Variants in SASH1 observed in about 807,000 individuals in gnomAD.
SASH1 encodes the protein SAM and SH3 domain containing 1, also known as SAM and SH3 domain-containing protein 1.
In SASH1, 44 loss-of-function variants were observed where a neutral mutation model predicts 125.2. That is an observed-to-expected ratio of 0.35 (90% CI 0.28 to 0.45). SASH1 has a LOEUF of 0.45. SASH1 is among the 20% of genes least tolerant of loss of function. The pLI is 1.00. For missense variants in SASH1, 1,426 were observed against 1,614.5 expected (o/e 0.88, Z 2.00); for synonymous variants, 639 against 649.1 (o/e 0.98, Z 0.24).
At chr6:148,213,834 T>A in the SASH1 span, among the ~76,000 whole-genome samples, 1 of 152,142 alleles carries the variant, frequency 6.6e-6, no homozygotes, top group African/African-American at 2.4e-5. Flanking sequence ...CTACAAAAAA[T>A]CTCCAGCTGG....
chr6:148,251,820 T>G, the SASH1 span, among the ~76,000 whole-genome samples: 4 of 143,176 alleles, frequency 2.8e-5, no homozygotes, highest in South Asian at 9.8e-4. Context: ...CTCCTAATGC[T>G]ATCCCTCCCC....
chr6:148,304,446 G>GA (rs1216162960), intron 1 of SASH1, among the ~76,000 whole-genome samples: 3 of 89,726 alleles, frequency 3.3e-5, no homozygotes, highest in Non-Finnish European at 6.5e-5. Flanking sequence ...AAAAAAAAAA[G>GA]AAAAGAAAAA....
At chr6:148,211,903 A>G in the SASH1 span, among the ~76,000 whole-genome samples, 1 of 152,142 alleles carries the variant, frequency 6.6e-6, no homozygotes, top group Non-Finnish European at 1.5e-5. Context: ...AGGACACTCT[A>G]GAATAGGGAA....
intron 1 of SASH1, among the ~76,000 whole-genome samples, chr6:148,381,155 C>T (rs570823655): frequency 1.3e-3 from 192 of 152,254 alleles, no homozygotes; most frequent in Non-Finnish European, 2.2e-3. Context: ...AGGCCTTCTT[C>T]GTCATCTCTT....
Position 148,541,694 on chromosome 6 carries a change from G to A in SASH1, c.2209+1138G>A, listed in dbSNP as rs149764043. 1.3e-3 allele frequency among the ~76,000 whole-genome samples: 205 copies of A among 152,110 alleles called. 1 individual carries two copies. In the Middle Eastern group the frequency reaches 0.034, roughly 25 times the overall value. On this transcript the variant is annotated intron_variant, in intron 17 of 19. Coordinates refer to ENST00000367467, the MANE Select transcript of SASH1 (RefSeq NM_015278.5). ...AAACCCTAAGCAAGTGCTCACTCTCGGGTACCAGCCCTGCACTCACATGAC... is the reference window on the plus strand; with the variant it reads ...AAACCCTAAGCAAGTGCTCACTCTCAGGTACCAGCCCTGCACTCACATGAC...
the SASH1 span, among the ~76,000 whole-genome samples, chr6:148,218,635 G>C: frequency 6.6e-6 from 1 of 152,140 alleles, no homozygotes; most frequent in East Asian, 1.9e-4. Context: ...ACCTTGGAGG[G>C]AGAGCTTCCT....
intron 1 of SASH1, among the ~76,000 whole-genome samples, chr6:148,355,266 A>G (rs926949908): frequency 1.3e-5 from 2 of 152,228 alleles, no homozygotes; most frequent in Non-Finnish European, 2.9e-5. Flanking sequence ...GCATTAAGAC[A>G]TAGTCTACTG....
At chr6:148,454,320 C>G (rs1777237456) in intron 4 of SASH1, among the ~76,000 whole-genome samples, 1 of 152,138 alleles carries the variant, frequency 6.6e-6, no homozygotes, top group Admixed American at 6.5e-5. Context: ...GGCCCCATGC[C>G]CACACTGACG....
intron 2 of SASH1, among the ~76,000 whole-genome samples, chr6:148,409,469 G>A (rs548081030): frequency 6.6e-6 from 1 of 152,328 alleles, no homozygotes; most frequent in African/African-American, 2.4e-5. Flanking sequence ...GGCAAGAGAG[G>A]AGAGGCTGTC....
chr6:148,423,816 T>C (rs1290103273), intron 2 of SASH1, among the ~76,000 whole-genome samples: 3 of 152,170 alleles, frequency 2.0e-5, no homozygotes, highest in Non-Finnish European at 2.9e-5. Context: ...TTGTAGGCTG[T>C]TGCCAACTTT....
chr6:148,307,056 C>CTTTCTT (rs771424151), intron 1 of SASH1, among the ~76,000 whole-genome samples: 1 of 145,574 alleles, frequency 6.9e-6, no homozygotes, highest in Non-Finnish European at 1.5e-5. Flanking sequence ...TTCTTTCTTT[C>CTTTCTT]TTTCTTTCTT....
intron 2 of SASH1, among the ~76,000 whole-genome samples, chr6:148,409,560 A>G (rs776456784): frequency 6.6e-6 from 1 of 152,256 alleles, no homozygotes; most frequent in East Asian, 1.9e-4. Context: ...ACTGCAATCC[A>G]TATTTTAAGT....
At chr6:148,522,556 C>T (rs189565556) in intron 10 of SASH1, among the ~76,000 whole-genome samples, 131 of 152,262 alleles carry the variant, frequency 8.6e-4, no homozygotes, top group Admixed American at 1.8e-3. Context: ...TCACTTGTCT[C>T]GTATTTTATT....
intron 4 of SASH1, among the ~76,000 whole-genome samples, chr6:148,446,103 T>TTTTTTTTTTCTTTTTTTTTC (rs1562416410): frequency 4.8e-5 from 1 of 20,688 alleles, no homozygotes; most frequent in Non-Finnish European, 9.8e-5. Context: ...TTTTTTTTTT[T>TTTTTTTTTTCTTTTTTTTTC]TTTTTTTTTT....
intron 2 of SASH1, among the ~76,000 whole-genome samples, chr6:148,408,270 GC>G (rs1784462267): frequency 6.6e-6 from 1 of 150,872 alleles, no homozygotes; most frequent in South Asian, 2.1e-4. Flanking sequence ...ACCACGCCCG[GC>G]TAATTTTTGT....
chr6:148,437,723 A>G (rs1022543), intron 2 of SASH1, among the ~76,000 whole-genome samples: 65,397 of 151,548 alleles, frequency 0.43, 14,254 homozygotes, highest in South Asian at 0.68. Flanking sequence ...TGTTTCTTTA[A>G]AAAAAAAAAT....
intron 1 of SASH1, among the ~76,000 whole-genome samples, chr6:148,368,664 C>T (rs1738661456): frequency 6.6e-6 from 1 of 151,834 alleles, no homozygotes; most frequent in South Asian, 2.1e-4. Flanking sequence ...AAATGATGTA[C>T]AAGAATACCG....
chr6:148,326,350 ATATATATG>A (rs1562326215), intron 1 of SASH1, among the ~76,000 whole-genome samples: 15 of 84,392 alleles, frequency 1.8e-4, no homozygotes, highest in African/African-American at 6.5e-4. Flanking sequence ...ATATATATAT[ATATATATG>A]CATATATATA....
chr6:148,330,217 A>G (rs576372811), intron 1 of SASH1, among the ~76,000 whole-genome samples: 1 of 152,336 alleles, frequency 6.6e-6, no homozygotes, highest in East Asian at 1.9e-4. Flanking sequence ...TTGTTCACCC[A>G]AAGTATTGTG....
Sources: allele counts gnomAD v4.1 joint callset (sites outside exome capture counted in the v4.1 genomes callset), GRCh38; gene constraint gnomAD v4.1.1; transcripts MANE v1.5; gene names NCBI Gene and HGNC (gene_info 2026-07-23, HGNC 2026-07-21).